Variants in AR observed in about 807,000 individuals in gnomAD.
AR encodes the protein androgen receptor, also known as dihydrotestosterone receptor.
AR carries 8 observed loss-of-function variants against 53.9 expected under a neutral mutation model. The observed-to-expected ratio is 0.15, with a 90% CI of 0.09 to 0.27. The LOEUF is 0.27. Among genes scored for constraint, AR ranks in the 10% least tolerant of loss-of-function variants. The pLI is 1.00. For synonymous variants in AR, 359 were observed against 316.4 expected (o/e 1.13, Z -1.43); for missense variants, 639 against 742.5 (o/e 0.86, Z 1.62).
chrX:67,613,352 G>A (rs763323061), intron 1 of AR, among the ~76,000 whole-genome samples: 3 of 111,389 alleles, frequency 2.7e-5, no homozygotes, highest in Non-Finnish European at 5.7e-5. Context: ...TTCTCCCTGA[G>A]GTGACTGACT....
intron 6 of AR, 91 bp downstream of exon 6, chrX:67,722,054 C>T (rs2147536495): frequency 9.5e-7 from 1 of 1,052,574 alleles, no homozygotes; most frequent in East Asian, 3.2e-5. Context: ...TAGGGAAAAG[C>T]CAGCTCCTGG....
intron 1 of AR, among the ~76,000 whole-genome samples, chrX:67,616,079 A>T (rs1405120499): frequency 1.8e-5 from 2 of 111,519 alleles, no homozygotes; most frequent in Non-Finnish European, 3.8e-5. Context: ...TATGATGTCG[A>T]TTCTGTTAAT....
chrX:67,632,372 G>C (rs746307723), intron 1 of AR, among the ~76,000 whole-genome samples: 1 of 111,650 alleles, frequency 9.0e-6, no homozygotes, highest in South Asian at 3.7e-4. Context: ...TCAGAAAAAC[G>C]CAGTATTTGG....
chrX:67,610,989 A>T lies in AR; in HGVS notation c.1617-32267A>T, dbSNP rs778124318. Among the ~76,000 whole-genome samples, 101 of 111,865 alleles carry T rather than the reference A, an allele frequency of 9.0e-4. 2 individuals carry two copies. Among genetic ancestry groups the T allele is most frequent in the Middle Eastern group, 4.6e-3 (1 of 219 alleles). On this transcript the variant is annotated intron_variant, in intron 1 of 7. Coordinates refer to ENST00000374690, the MANE Select transcript of AR (RefSeq NM_000044.6). ...ATGGAGGCAATAATGGTCACTATCC[A>T]GTAGGGCTTTTATGAGGATTTAGTA...
intron 1 of AR, among the ~76,000 whole-genome samples, chrX:67,609,088 T>C (rs1247721998): frequency 9.0e-6 from 1 of 111,367 alleles, no homozygotes; most frequent in Non-Finnish European, 1.9e-5. Context: ...GAAAATTCAC[T>C]TGGAAAGCAT....
chrX:67,600,078 A>G (rs896691696), intron 1 of AR, among the ~76,000 whole-genome samples: 2 of 111,231 alleles, frequency 1.8e-5, no homozygotes, highest in African/African-American at 6.5e-5. Context: ...ACATATATGC[A>G]TATGTTTATA....
At chrX:67,627,495 A>C (rs1182206841) in intron 1 of AR, among the ~76,000 whole-genome samples, 10 of 108,032 alleles carry the variant, frequency 9.3e-5, no homozygotes, top group Middle Eastern at 4.7e-3. Flanking sequence ...TTTTTCTTGT[A>C]AATTTGTTTG....
At chrX:67,696,851 T>G (rs1486932765) in intron 3 of AR, among the ~76,000 whole-genome samples, 1 of 111,490 alleles carries the variant, frequency 9.0e-6, no homozygotes, top group African/African-American at 3.3e-5. Flanking sequence ...TTCAACCCGA[T>G]GAAATATAAA....
At chrX:67,564,369 C>CATCT (rs1921466551) in intron 1 of AR, among the ~76,000 whole-genome samples, 1 of 111,243 alleles carries the variant, frequency 9.0e-6, no homozygotes, top group Non-Finnish European at 1.9e-5. Context: ...CTCTGGAGAG[C>CATCT]ATCTACTAAG....
chrX:67,648,526 A>G (rs1400794889), intron 2 of AR, among the ~76,000 whole-genome samples: 1 of 111,417 alleles, frequency 9.0e-6, no homozygotes, highest in Non-Finnish European at 1.9e-5. Context: ...CTGTCTTCGC[A>G]CACTCACCGG....
chrX:67,675,678 G>T (rs1056045176), intron 2 of AR, among the ~76,000 whole-genome samples: 1 of 112,011 alleles, frequency 8.9e-6, no homozygotes, highest in African/African-American at 3.2e-5. Context: ...GAGGGATGTT[G>T]TAGGCAATTC....
chrX:67,576,987 T>C (rs1452634973), intron 1 of AR, among the ~76,000 whole-genome samples: 20 of 106,661 alleles, frequency 1.9e-4, no homozygotes, highest in Non-Finnish European at 3.7e-4. Context: ...TGTCAATGGG[T>C]TTCTCTCTCT....
Position 67,544,990 on chromosome X carries a change from C to T in AR, c.-157C>T. On this transcript the variant is annotated 5_prime_UTR_variant, in exon 1 of 8. Transcript: ENST00000374690. ...TTTGAGGCTGTCAGAGCGCTTTTTG[C>T]GTGGTTGCTCCCGCAAGTTTCCTTC... 1 of 826,866 alleles carries T rather than the reference C, an allele frequency of 1.2e-6. No individual in the cohort carries two copies. The allele number at this position is 826,866 out of a possible 1,213,427, so 68.1% of individuals were successfully genotyped here.
intron 1 of AR, among the ~76,000 whole-genome samples, chrX:67,604,832 A>G (rs1216114260): frequency 8.9e-6 from 1 of 111,833 alleles, no homozygotes; most frequent in Non-Finnish European, 1.9e-5. Flanking sequence ...TCTCTGAATG[A>G]CACCTTCTCC....
chrX:67,685,767 T>A (rs1204470403), intron 2 of AR, among the ~76,000 whole-genome samples: 1 of 111,259 alleles, frequency 9.0e-6, no homozygotes, highest in Non-Finnish European at 1.9e-5. Context: ...AGTGGAGATA[T>A]CATCAGGATC....
chrX:67,630,536 T>A (rs1357918730), intron 1 of AR, among the ~76,000 whole-genome samples: 3 of 111,334 alleles, frequency 2.7e-5, no homozygotes, highest in Non-Finnish European at 5.6e-5. Context: ...TGTGTGTCTC[T>A]GCATATGAGA....
chrX:67,644,477 G>A (rs965706163), intron 2 of AR, among the ~76,000 whole-genome samples: 5 of 111,966 alleles, frequency 4.5e-5, no homozygotes, highest in Non-Finnish European at 9.4e-5. Context: ...TTCTATAAGA[G>A]CTATAAACCT....
chrX:67,729,663 A>C lies in AR; in HGVS notation c.*5822A>C. On this transcript the variant is annotated 3_prime_UTR_variant, in exon 8 of 8. Transcript: ENST00000374690. ...GAATGGGTGGCCCTTGTGACCTGAAACACTTCCCACATAAGCTACTTAACA... is the reference window on the plus strand; with the variant it reads ...GAATGGGTGGCCCTTGTGACCTGAACCACTTCCCACATAAGCTACTTAACA... The C allele has an allele frequency of 1.1e-5, 2 of 174,453 alleles. No homozygotes were observed. Among genetic ancestry groups the C allele is most frequent in the Non-Finnish European group, 2.2e-5 (2 of 91,116 alleles). 14.4% of individuals were successfully genotyped at this position (174,453 alleles called of 1,213,427 possible).
At chrX:67,598,245 A>T (rs1923170457) in intron 1 of AR, among the ~76,000 whole-genome samples, 1 of 110,715 alleles carries the variant, frequency 9.0e-6, no homozygotes, top group Non-Finnish European at 1.9e-5. Context: ...CTGCTTAAAT[A>T]AGCACCTCTT....
Sources: allele counts gnomAD v4.1 joint callset (sites outside exome capture counted in the v4.1 genomes callset), GRCh38; gene constraint gnomAD v4.1.1; transcripts MANE v1.5; gene names NCBI Gene and HGNC (gene_info 2026-07-23, HGNC 2026-07-21).